Variants in THSD7B observed in about 807,000 individuals in gnomAD.
THSD7B encodes the protein thrombospondin type 1 domain containing 7B.
THSD7B carries 138 observed loss-of-function variants against 213.6 expected under a neutral mutation model. The observed-to-expected ratio is 0.65, with a 90% CI of 0.56 to 0.74. The LOEUF (loss-of-function observed/expected upper bound fraction) is 0.74, where lower values mean the gene tolerates loss of function less well. Among genes scored for constraint, THSD7B ranks in the 30% least tolerant of loss-of-function variants. The probability of loss-of-function intolerance (pLI) is 0.00; values close to 1 mark genes in which losing one functional copy is unlikely to be tolerated. For missense variants in THSD7B, 1,931 were observed against 1,991.5 expected (o/e 0.97, Z 0.58); for synonymous variants, 742 against 687.0 (o/e 1.08, Z -1.25).
chr2:136,845,162 C>T (rs551725936), intron 1 of THSD7B, among the ~76,000 whole-genome samples: 1 of 152,240 alleles, frequency 6.6e-6, no homozygotes, highest in East Asian at 1.9e-4. Context: ...TGTGAAGCCT[C>T]AGAAAAGGGA....
chr2:137,165,510 TGTCCCATG>T (rs1680109261), intron 6 of THSD7B, among the ~76,000 whole-genome samples: 2 of 152,130 alleles, frequency 1.3e-5, no homozygotes. Flanking sequence ...TCTTGGTGTC[TGTCCCATG>T]ATTCTACTGT....
At chr2:136,935,347 G>A (rs1214207607) in intron 2 of THSD7B, among the ~76,000 whole-genome samples, 7 of 152,048 alleles carry the variant, frequency 4.6e-5, no homozygotes, top group African/African-American at 1.7e-4. Flanking sequence ...GCATGATGGG[G>A]TCATTAAACC....
intron 12 of THSD7B, among the ~76,000 whole-genome samples, chr2:137,377,575 T>C (rs1023040415): frequency 6.6e-6 from 1 of 152,132 alleles, no homozygotes; most frequent in Non-Finnish European, 1.5e-5. Context: ...TCATTTAAGA[T>C]TCAGAATATT....
In THSD7B at chr2:137,260,242, A is replaced by G. The variant is rs187381993; in HGVS notation, c.2267-12291A>G. Among the ~76,000 whole-genome samples, 9 of 151,946 alleles carry G rather than the reference A, an allele frequency of 5.9e-5. No individual in the cohort carries two copies. In the East Asian group the frequency reaches 1.7e-3, roughly 29 times the overall value. On this transcript the variant is annotated intron_variant, in intron 10 of 27. Transcript: ENST00000409968. ...TTTAAGAGAATTGGTATAAGTATGTATAATATATTACTATGATATTAAAAA... is the reference window on the plus strand; with the variant it reads ...TTTAAGAGAATTGGTATAAGTATGTGTAATATATTACTATGATATTAAAAA...
Position 137,620,670 on chromosome 2 carries a change from G to A in THSD7B, c.3743G>A (p.Cys1248Tyr). 1 of 1,614,000 alleles carries A rather than the reference G, an allele frequency of 6.2e-7. No homozygotes were observed. Among genetic ancestry groups the A allele is most frequent in the Admixed American group, 1.7e-5 (1 of 60,034 alleles). Residue 1248 changes from cysteine to tyrosine, a missense_variant, in exon 20 of 28, where the codon TGT becomes TAT. Coordinates refer to ENST00000409968, the MANE Select transcript of THSD7B (RefSeq NM_001316349.2). ...IPCLVECVVNCQLSGWTAWTE... is the reference protein window; with the variant it reads ...IPCLVECVVNYQLSGWTAWTE... Reference sequence around the variant, plus strand: ...TGCTTGGTGGAATGCGTGGTCAACTGTCAGCTCTCAGGGTGGACGGCTTGG... The same window carrying A: ...TGCTTGGTGGAATGCGTGGTCAACTATCAGCTCTCAGGGTGGACGGCTTGG...
rs546852242 is a variant in THSD7B, at chr2:136,830,806, G to A, written c.-35-51338G>A. Among the ~76,000 whole-genome samples, 17 of 152,146 alleles carry A rather than the reference G, an allele frequency of 1.1e-4. No homozygotes were observed. In the East Asian group the frequency reaches 1.4e-3, roughly 12 times the overall value. ...ATTTGGCATTTAGTTATGCCCTGTC[G>A]AAATTGCTTTTTGCTTAGTGCGTGC... On this transcript the variant is annotated intron_variant, in intron 1 of 27. Coordinates refer to ENST00000409968, the MANE Select transcript of THSD7B (RefSeq NM_001316349.2).
intron 25 of THSD7B, among the ~76,000 whole-genome samples, chr2:137,660,614 C>T (rs894901776): frequency 4.0e-4 from 61 of 152,182 alleles, no homozygotes; most frequent in Admixed American, 3.5e-3. Flanking sequence ...TTTTCACCAA[C>T]TCTCTGGATG....
intron 1 of THSD7B, among the ~76,000 whole-genome samples, chr2:136,807,509 G>GTTGTTTTTTT (rs1682303144): frequency 1.9e-5 from 2 of 104,896 alleles, no homozygotes; most frequent in African/African-American, 7.4e-5. Context: ...AAAATGTTTC[G>GTTGTTTTTTT]TTTTTTTTTT....
intron 7 of THSD7B, among the ~76,000 whole-genome samples, chr2:137,226,810 C>G (rs977754610): frequency 1.4e-5 from 2 of 146,948 alleles, no homozygotes; most frequent in African/African-American, 4.9e-5. Context: ...CAGTAGTATT[C>G]ATAATAACCA....
At chr2:136,928,641 A>G (rs1028750826) in intron 2 of THSD7B, among the ~76,000 whole-genome samples, 1 of 152,208 alleles carries the variant, frequency 6.6e-6, no homozygotes, top group East Asian at 1.9e-4. Flanking sequence ...TGTATTTTAC[A>G]TATAAATTTA....
chr2:137,651,314 T>C (rs544779529), intron 21 of THSD7B, among the ~76,000 whole-genome samples: 1 of 152,164 alleles, frequency 6.6e-6, no homozygotes, highest in Admixed American at 6.5e-5. Flanking sequence ...GTTGTGTATG[T>C]CCAGGAATTT....
chr2:137,508,502 G>A (rs1370745216), intron 15 of THSD7B, among the ~76,000 whole-genome samples: 8 of 148,204 alleles, frequency 5.4e-5, no homozygotes, highest in African/African-American at 1.7e-4. Flanking sequence ...TCTGCCTCCC[G>A]AGTAGCTGGG....
intron 7 of THSD7B, among the ~76,000 whole-genome samples, chr2:137,206,044 T>C (rs7598095): frequency 0.14 from 1,720 of 12,720 alleles, 12 homozygotes; most frequent in South Asian, 0.42. Context: ...ACAGTGATTA[T>C]CCTTTTTTTT....
intron 2 of THSD7B, among the ~76,000 whole-genome samples, chr2:136,926,301 C>T (rs1684522621): frequency 1.3e-5 from 2 of 151,882 alleles, no homozygotes; most frequent in African/African-American, 4.8e-5. Flanking sequence ...GGCTCTGACT[C>T]CCTGCCTTTT....
At chr2:137,094,827 A>C (rs759008342) in intron 3 of THSD7B, 46 bp from the exon 4 acceptor site, 3 of 1,581,638 alleles carry the variant, frequency 1.9e-6, no homozygotes, top group Non-Finnish European at 8.6e-7. Flanking sequence ...TGTTAGTTGC[A>C]TCCATTAATA....
chr2:136,868,116 G>A (rs987462078), intron 1 of THSD7B, among the ~76,000 whole-genome samples: 3 of 142,732 alleles, frequency 2.1e-5, no homozygotes, highest in East Asian at 2.1e-4. Context: ...ACACACACGC[G>A]CGCGCACACA....
chr2:137,293,428 C>G (rs963707224), intron 12 of THSD7B, among the ~76,000 whole-genome samples: 1 of 152,056 alleles, frequency 6.6e-6, no homozygotes, highest in Admixed American at 6.5e-5. Flanking sequence ...GGTGACCCAC[C>G]ATGCTGGGTC....
intron 1 of THSD7B, among the ~76,000 whole-genome samples, chr2:136,880,423 C>T (rs1234472995): frequency 1.3e-5 from 2 of 152,082 alleles, no homozygotes; most frequent in African/African-American, 4.8e-5. Flanking sequence ...TTTTATTTTT[C>T]ATAATACATA....
chr2:137,072,586 A>G (rs1396554274), intron 3 of THSD7B, among the ~76,000 whole-genome samples: 17 of 152,034 alleles, frequency 1.1e-4, no homozygotes, highest in Non-Finnish European at 2.4e-4. Context: ...CTAATTGAAT[A>G]CCCTTTATTT....
Sources: gnomAD v4.1 joint callset for allele counts (sites outside exome capture counted in the v4.1 genomes callset) on GRCh38, gnomAD v4.1.1 for gene constraint, MANE v1.5 for transcripts, NCBI Gene and HGNC (gene_info 2026-07-23, HGNC 2026-07-21) for gene names.